The following PTBP3 variants were observed in gnomAD, a reference collection of about 807,000 sequenced individuals.
PTBP3 encodes polypyrimidine tract binding protein 3.
Under a neutral mutation model 58.7 loss-of-function variants are expected in PTBP3, and 20 were observed. The ratio of observed to expected loss-of-function variants is 0.34; its 90% CI spans 0.24 to 0.50. PTBP3 has a LOEUF of 0.50. Among genes scored for constraint, PTBP3 ranks in the 20% least tolerant of loss-of-function variants. PTBP3 has a pLI of 0.98. For synonymous variants in PTBP3, 185 were observed against 219.8 expected, an observed-to-expected ratio of 0.84 and a Z score of 1.40; for missense variants, 509 against 637.2, an observed-to-expected ratio of 0.80 and a Z score of 2.17.
At chr9:112,289,936 C>T (rs1828305840) in intron 2 of PTBP3, among the ~76,000 whole-genome samples, 1 of 152,106 alleles carries the variant, frequency 6.6e-6, no homozygotes, top group South Asian at 2.1e-4. Flanking sequence ...AATAATTATA[C>T]ATACAATGGT....
At chr9:112,290,672 T>TA (rs141146042) in intron 2 of PTBP3, among the ~76,000 whole-genome samples, 1,168 of 53,038 alleles carry the variant, frequency 0.022, 41 homozygotes, top group African/African-American at 0.071. Flanking sequence ...ACTCTGTCTT[T>TA]AAAAAAAAAA....
chr9:112,315,297 TAA>T (rs879514503), intron 1 of PTBP3, among the ~76,000 whole-genome samples: 1 of 143,932 alleles, frequency 6.9e-6, no homozygotes. Context: ...TAGTAAGCTT[TAA>T]AAAAAAAAAA....
rs74560025 is a variant in PTBP3 at position 112,311,209 on chromosome 9, T to A, written c.-51-13293A>T. On this transcript the variant is annotated intron_variant, in intron 1 of 13. Coordinates refer to ENST00000374257, the MANE Select transcript of PTBP3 (RefSeq NM_001163788.4). ...GGTGGAAAATGTGTTTTTTTTTTTT[T>A]AATATACGATTGGCCCACCGTATCC... is the stretch of plus-strand genomic sequence containing the variant. Among the ~76,000 whole-genome samples the A allele has an allele frequency of 8.7e-3, 1,313 of 151,782 alleles. 23 individuals are homozygous for A. Among genetic ancestry groups the A allele is most frequent in the African/African-American group, 0.03 (1,248 of 41,202 alleles).
chr9:112,321,911 G>A (rs971103405), intron 1 of PTBP3, among the ~76,000 whole-genome samples: 3 of 151,944 alleles, frequency 2.0e-5, no homozygotes, highest in Non-Finnish European at 2.9e-5. Context: ...CAAGGCGGGC[G>A]GATCACAAGG....
the PTBP3 span, among the ~76,000 whole-genome samples, chr9:112,378,854 G>T: frequency 5.3e-5 from 8 of 152,284 alleles, no homozygotes; most frequent in East Asian, 1.5e-3. Context: ...TCGGGCAGGT[G>T]ATATGCAGGA....
At chr9:112,354,008 T>C in the PTBP3 span, among the ~76,000 whole-genome samples, 1 of 152,124 alleles carries the variant, frequency 6.6e-6, no homozygotes, top group Non-Finnish European at 1.5e-5. Flanking sequence ...GCTATTATAA[T>C]GGACAAAATA....
chr9:112,233,272 GGTGTGTGTGTGTGTGTGTGTGT>G (rs72086685), intron 8 of PTBP3, among the ~76,000 whole-genome samples: 3 of 144,302 alleles, frequency 2.1e-5, no homozygotes, highest in South Asian at 2.3e-4. Context: ...TACACTGTAG[GGTGTGTGTGTGTGTGTGTGTGT>G]GTGTGTGTGT....
At chr9:112,351,965 C>T in the PTBP3 span, among the ~76,000 whole-genome samples, 499 of 150,804 alleles carry the variant, frequency 3.3e-3, no homozygotes, top group African/African-American at 0.011. Flanking sequence ...TTTTTTTTTC[C>T]CCCAAGACAG....
At chr9:112,340,090 G>A in the PTBP3 span, among the ~76,000 whole-genome samples, 1 of 152,084 alleles carries the variant, frequency 6.6e-6, no homozygotes, top group Non-Finnish European at 1.5e-5. Flanking sequence ...TAAGCCTCCT[G>A]AGTAGCGGAA....
chr9:112,319,603 G>A (rs1829840484), intron 1 of PTBP3, among the ~76,000 whole-genome samples: 1 of 152,148 alleles, frequency 6.6e-6, no homozygotes, highest in Non-Finnish European at 1.5e-5. Flanking sequence ...AGTCATTATG[G>A]AAAACAGTAT....
chr9:112,309,164 C>G (rs4978481), intron 1 of PTBP3, among the ~76,000 whole-genome samples: 55,191 of 151,808 alleles, frequency 0.36, 11,063 homozygotes, highest in Non-Finnish European at 0.46. Flanking sequence ...AAGAGGCTAT[C>G]AAAAAACTAC....
intron 2 of PTBP3, among the ~76,000 whole-genome samples, chr9:112,287,772 G>GT (rs1828210790): frequency 6.6e-6 from 1 of 152,008 alleles, no homozygotes; most frequent in African/African-American, 2.4e-5. Flanking sequence ...TTTAATCTCT[G>GT]TAAGTTCTAT....
chr9:112,305,045 G>A (rs565540227), intron 1 of PTBP3, among the ~76,000 whole-genome samples: 2 of 152,202 alleles, frequency 1.3e-5, no homozygotes, highest in Admixed American at 6.5e-5. Flanking sequence ...GGGTAACTTC[G>A]AGTTACTACT....
the PTBP3 span, among the ~76,000 whole-genome samples, chr9:112,358,015 CA>C: frequency 6.6e-6 from 1 of 151,754 alleles, no homozygotes; most frequent in Non-Finnish European, 1.5e-5. Context: ...CAAAAATAAA[CA>C]AAAAAATTTG....
At chr9:112,244,091 G>C (rs1270113119) in intron 7 of PTBP3, among the ~76,000 whole-genome samples, 2 of 151,654 alleles carry the variant, frequency 1.3e-5, no homozygotes, top group East Asian at 1.9e-4. Context: ...CACGAGGTCA[G>C]GAGATCAAGA....
At chr9:112,295,686 G>A (rs1048820961) in intron 2 of PTBP3, among the ~76,000 whole-genome samples, 1 of 143,652 alleles carries the variant, frequency 7.0e-6, no homozygotes, top group African/African-American at 2.6e-5. Flanking sequence ...CATTTTAAAA[G>A]AAAACTATGT....
At chr9:112,293,467 G>A (rs990542044) in intron 2 of PTBP3, among the ~76,000 whole-genome samples, 3 of 152,150 alleles carry the variant, frequency 2.0e-5, no homozygotes, top group Admixed American at 6.5e-5. Context: ...GTGATTGAGT[G>A]TCCCCTTCAA....
upstream of PTBP3, among the ~76,000 whole-genome samples, chr9:112,336,987 C>CT (rs1488207509): frequency 2.6e-5 from 4 of 152,196 alleles, no homozygotes; most frequent in Non-Finnish European, 4.4e-5. Context: ...AGCCTTAACT[C>CT]TTTCCCCTGC....
chr9:112,277,311 A>G (rs1827649218), intron 2 of PTBP3, among the ~76,000 whole-genome samples: 1 of 152,200 alleles, frequency 6.6e-6, no homozygotes, highest in South Asian at 2.1e-4. Flanking sequence ...ATGGAAAATA[A>G]TTGGCACACA....
Sources: gnomAD v4.1 joint callset for allele counts (sites outside exome capture counted in the v4.1 genomes callset) on GRCh38, gnomAD v4.1.1 for gene constraint, MANE v1.5 for transcripts, NCBI Gene and HGNC (gene_info 2026-07-23, HGNC 2026-07-21) for gene names.